Variants in PTPRN2 observed in about 807,000 individuals in gnomAD.
The protein encoded by PTPRN2 is protein tyrosine phosphatase receptor type N2.
In PTPRN2, 74 loss-of-function variants were observed where a neutral mutation model predicts 118.8. The ratio of observed to expected loss-of-function variants is 0.62; its 90% CI spans 0.52 to 0.76. The LOEUF (loss-of-function observed/expected upper bound fraction) is 0.76, where lower values mean the gene tolerates loss of function less well. Ranked by LOEUF, PTPRN2 falls within the 30% of genes least tolerant of loss-of-function variation. The pLI is 0.00. For synonymous variants in PTPRN2, 641 were observed against 608.0 expected (o/e 1.05, Z -0.80); for missense variants, 1,481 against 1,394.4 (o/e 1.06, Z -0.99).
intron 2 of PTPRN2, among the ~76,000 whole-genome samples, chr7:158,337,117 G>T (rs76952403): frequency 7.1e-6 from 1 of 140,726 alleles, no homozygotes; most frequent in Non-Finnish European, 1.5e-5. Context: ...TAAGAGCTGA[G>T]GCCCACAGAG....
intron 12 of PTPRN2, among the ~76,000 whole-genome samples, chr7:157,891,562 A>AC (rs1163329847): frequency 7.6e-6 from 1 of 130,844 alleles, no homozygotes; most frequent in Non-Finnish European, 1.6e-5. Flanking sequence ...TCACACCCCC[A>AC]CCCCCCATCC....
chr7:157,766,266 C>A (rs750375652), intron 12 of PTPRN2, among the ~76,000 whole-genome samples: 2 of 151,062 alleles, frequency 1.3e-5, no homozygotes, highest in Non-Finnish European at 3.0e-5. Context: ...ATCCATCCAT[C>A]CTTCCATCCA....
intron 2 of PTPRN2, among the ~76,000 whole-genome samples, chr7:158,322,205 T>G (rs945629736): frequency 3.3e-5 from 5 of 152,110 alleles, no homozygotes; most frequent in Non-Finnish European, 7.4e-5. Flanking sequence ...GCATCCTGCT[T>G]GCATGGCCAG....
intron 5 of PTPRN2, among the ~76,000 whole-genome samples, chr7:158,191,528 C>T (rs1250748784): frequency 1.3e-5 from 2 of 152,128 alleles, no homozygotes; most frequent in African/African-American, 4.8e-5. Context: ...AGCTCTTGTC[C>T]CTCCCTCTTT....
intron 11 of PTPRN2, among the ~76,000 whole-genome samples, chr7:158,070,839 C>G (rs1811303581): frequency 9.6e-6 from 1 of 103,880 alleles, no homozygotes; most frequent in African/African-American, 4.4e-5. Context: ...TGGAGGTGCC[C>G]ATGGTGGTAT....
At position 157,577,950 on chromosome 7, in the gene PTPRN2, T is replaced by C. The variant is rs1302346782; in HGVS notation, c.2616+71A>G. 3 of 1,467,724 alleles carry C rather than the reference T, an allele frequency of 2.0e-6. No homozygotes were observed. In the Admixed American group the frequency reaches 6.3e-5, roughly 31 times the overall value. 90.9% of individuals were successfully genotyped at this position (1,467,724 alleles called of 1,614,324 possible). ...CCCTGGGGGGCCCTAACGAATCCCA[T>C]TCGGAGGAGGAGCAGGGCCCGTCCT... On this transcript the variant is annotated intron_variant, in intron 18 of 22. Coordinates refer to ENST00000389418, the MANE Select transcript of PTPRN2 (RefSeq NM_002847.5).
intron 1 of PTPRN2, among the ~76,000 whole-genome samples, chr7:158,534,212 C>A (rs35425796): frequency 9.5e-5 from 6 of 63,086 alleles, no homozygotes; most frequent in Admixed American, 2.1e-4. Context: ...GACCACCCAC[C>A]CCCCGGGCTC....
At chr7:158,119,323 TACC>T (rs1214305228) in intron 9 of PTPRN2, among the ~76,000 whole-genome samples, 2 of 152,166 alleles carry the variant, frequency 1.3e-5, no homozygotes, top group African/African-American at 4.8e-5. Flanking sequence ...TACAATGTGA[TACC>T]ACCTCATACC....
chr7:157,966,249 G>T (rs183567140), intron 11 of PTPRN2, among the ~76,000 whole-genome samples: 2 of 152,144 alleles, frequency 1.3e-5, no homozygotes, highest in East Asian at 1.9e-4. Flanking sequence ...GAAAGAAAAG[G>T]CTTCCTGTTT....
chr7:157,576,893 G>T, intron 18 of PTPRN2, 114 bp from the exon 19 acceptor site: 1 of 1,116,006 alleles, frequency 9.0e-7, no homozygotes, highest in Non-Finnish European at 1.2e-6. Flanking sequence ...GCGCTGCGAA[G>T]AGGGCACATT....
intron 16 of PTPRN2, among the ~76,000 whole-genome samples, chr7:157,597,383 G>A (rs1018879767): frequency 2.0e-5 from 3 of 152,064 alleles, no homozygotes; most frequent in African/African-American, 7.2e-5. Context: ...ATATGCATTT[G>A]TTGGGGGTGA....
intron 2 of PTPRN2, among the ~76,000 whole-genome samples, chr7:158,355,939 A>C (rs1441470016): frequency 6.6e-6 from 1 of 152,166 alleles, no homozygotes; most frequent in African/African-American, 2.4e-5. Flanking sequence ...CTCGAAACAG[A>C]ATGTGGTTCC....
At position 157,728,016 on chromosome 7, in the gene PTPRN2, C is replaced by T. The variant is rs113420407; in HGVS notation, c.1789-45079G>A. 1.0e-2 allele frequency among the ~76,000 whole-genome samples: 1,516 copies of T among 152,248 alleles called. 13 individuals are homozygous for T. The highest frequency in any genetic ancestry group is 0.013 in the Non-Finnish European group (880 of 68,016). On this transcript the variant is annotated intron_variant, in intron 12 of 22. Coordinates refer to ENST00000389418, the MANE Select transcript of PTPRN2 (RefSeq NM_002847.5). ...GGCCCCCCAGCTCCCACCCTGCAGA[C>T]GTCTGTGGGCTCTGCCTCTCCCGTC...
At chr7:158,315,642 G>A (rs939324553) in intron 3 of PTPRN2, among the ~76,000 whole-genome samples, 3 of 152,238 alleles carry the variant, frequency 2.0e-5, no homozygotes, top group Non-Finnish European at 2.9e-5. Flanking sequence ...AAGGAGAAAC[G>A]GCCAGATGTG....
chr7:158,484,165 G>A (rs534431521), intron 2 of PTPRN2, among the ~76,000 whole-genome samples: 1 of 152,130 alleles, frequency 6.6e-6, no homozygotes, highest in Admixed American at 6.5e-5. Flanking sequence ...AAAACTGTAA[G>A]AGTCAACGGT....
intron 11 of PTPRN2, among the ~76,000 whole-genome samples, chr7:157,912,217 T>G (rs770540190): frequency 3.2e-4 from 48 of 152,260 alleles, no homozygotes; most frequent in Non-Finnish European, 5.1e-4. Context: ...CTTTGCCGAT[T>G]TGGTAGATTT....
At chr7:157,760,143 C>A (rs948782016) in intron 12 of PTPRN2, among the ~76,000 whole-genome samples, 1 of 152,172 alleles carries the variant, frequency 6.6e-6, no homozygotes, top group African/African-American at 2.4e-5. Context: ...CTTCTGCCCC[C>A]ACATCACCCA....
rs534570754 is a variant in PTPRN2 at position 157,590,771 on chromosome 7, C to A, written c.2496+4467G>T. 2.0e-5 allele frequency among the ~76,000 whole-genome samples: 3 copies of A among 152,160 alleles called. No individual in the cohort carries two copies. The highest frequency in any genetic ancestry group is 6.5e-5 in the Admixed American group (1 of 15,276). ...CCTGAACCCGTCTTCCAGGCTCCCC[C>A]CTTCTGGACCCATGGGCCCCTGTAC... On this transcript the variant is annotated intron_variant, in intron 17 of 22. Coordinates refer to ENST00000389418, the MANE Select transcript of PTPRN2 (RefSeq NM_002847.5). This position sits in a 1 kb window ranked among gnomAD's most constrained non-coding sequence, Gnocchi z 4.0.
intron 2 of PTPRN2, among the ~76,000 whole-genome samples, chr7:158,341,622 C>A (rs1225476281): frequency 1.1e-5 from 1 of 87,250 alleles, no homozygotes; most frequent in Non-Finnish European, 2.4e-5. Context: ...CACACTCTCA[C>A]CATAAGAGGT....
Sources: gnomAD v4.1 joint callset for allele counts (sites outside exome capture counted in the v4.1 genomes callset) on GRCh38, gnomAD v4.1.1 for gene constraint, Gnocchi (gnomAD v3.1) non-coding constraint, MANE v1.5 for transcripts, NCBI Gene and HGNC (gene_info 2026-07-23, HGNC 2026-07-21) for gene names.